Variants in C8orf34 observed in about 807,000 individuals in gnomAD.
The protein encoded by C8orf34 is uncharacterized protein C8orf34.
Under a neutral mutation model 68.3 loss-of-function variants are expected in C8orf34, and 65 were observed. The observed-to-expected ratio is 0.95, with a 90% CI of 0.78 to 1.17. The LOEUF is 1.17. Among genes scored for constraint, C8orf34 ranks in the 50% most tolerant of loss-of-function variants. The pLI is 0.00. For missense variants in C8orf34, 664 were observed against 655.4 expected (o/e 1.01, Z -0.14); for synonymous variants, 244 against 241.2 (o/e 1.01, Z -0.11).
At position 68,465,118 on chromosome 8, in the gene C8orf34, A is replaced by G. The variant is rs186030270; in HGVS notation, c.608-3574A>G. On this transcript the variant is annotated intron_variant, in intron 3 of 13. Coordinates refer to ENST00000518698, the MANE Select transcript of C8orf34 (RefSeq NM_052958.4). ...CAAATTTACAAGAAAAAAACAAACA[A>G]CTCCATCAAAAAGTGGGCAAAGGAC... Among the ~76,000 whole-genome samples, 1,477 of 152,120 alleles carry G rather than the reference A, an allele frequency of 9.7e-3. 26 individuals are homozygous for G. The highest frequency in any genetic ancestry group is 0.032 in the African/African-American group (1,346 of 41,460).
At chr8:68,813,312 A>T (rs1233903523) in intron 12 of C8orf34, among the ~76,000 whole-genome samples, 1 of 152,154 alleles carries the variant, frequency 6.6e-6, no homozygotes, top group Non-Finnish European at 1.5e-5. Context: ...AGTGATTTCC[A>T]TGCAAGAAAA....
intron 1 of C8orf34, among the ~76,000 whole-genome samples, chr8:68,356,591 C>T (rs1806756980): frequency 6.6e-6 from 1 of 152,014 alleles, no homozygotes; most frequent in African/African-American, 2.4e-5. Context: ...GATTAGTTTT[C>T]AGAGATTCAG....
At chr8:68,815,256 A>T (rs1824774819) in intron 12 of C8orf34, among the ~76,000 whole-genome samples, 1 of 152,092 alleles carries the variant, frequency 6.6e-6, no homozygotes, top group Non-Finnish European at 1.5e-5. Flanking sequence ...ATAGTCTTAT[A>T]TTCTTCTGCC....
intron 9 of C8orf34, among the ~76,000 whole-genome samples, 189 bp from the exon 10 acceptor site, chr8:68,721,172 A>C (rs1282615022): frequency 6.6e-6 from 1 of 151,972 alleles, no homozygotes; most frequent in Non-Finnish European, 1.5e-5. Context: ...TAAATTAAAA[A>C]TACTTATCAT....
At chr8:68,813,323 G>A (rs561679477) in intron 12 of C8orf34, among the ~76,000 whole-genome samples, 4 of 151,972 alleles carry the variant, frequency 2.6e-5, no homozygotes, top group African/African-American at 9.7e-5. Flanking sequence ...TGCAAGAAAA[G>A]CATTATGTCA....
intron 8 of C8orf34, among the ~76,000 whole-genome samples, chr8:68,664,422 T>C (rs1454953323): frequency 6.6e-6 from 1 of 152,172 alleles, no homozygotes; most frequent in Non-Finnish European, 1.5e-5. Context: ...CATGAGATGA[T>C]GCAAAAGCAA....
rs1586266080 is a variant in C8orf34 at position 68,499,618 on chromosome 8, G to T, written c.765+11567G>T. Among the ~76,000 whole-genome samples the T allele has an allele frequency of 2.0e-5, 3 of 152,152 alleles. No individual in the cohort carries two copies. The East Asian group carries it at 5.8e-4, about 29-fold the overall frequency. ...TTGATGCAGTCAGGTGTCAGCAAAG[G>T]ATGTTAAAATTCGTAGGTAAAATTT... On this transcript the variant is annotated intron_variant, in intron 5 of 13. Coordinates refer to ENST00000518698, the MANE Select transcript of C8orf34 (RefSeq NM_052958.4).
intron 10 of C8orf34, among the ~76,000 whole-genome samples, chr8:68,764,290 C>T (rs754855102): frequency 1.3e-5 from 2 of 152,156 alleles, no homozygotes; most frequent in Non-Finnish European, 1.5e-5. Flanking sequence ...AATTTGAAAC[C>T]GGCCTTCTAA....
At chr8:68,383,470 GTT>G (rs1808129466) in intron 1 of C8orf34, among the ~76,000 whole-genome samples, 2 of 152,106 alleles carry the variant, frequency 1.3e-5, no homozygotes, top group Admixed American at 1.3e-4. Flanking sequence ...AATATTTAAA[GTT>G]CATAGTTTTC....
At chr8:68,637,468 A>T (rs2130722985) in intron 7 of C8orf34, among the ~76,000 whole-genome samples, 1 of 152,222 alleles carries the variant, frequency 6.6e-6, no homozygotes, top group African/African-American at 2.4e-5. Context: ...AAAGTGCATG[A>T]TGTATGTGTG....
chr8:68,781,265 A>T (rs1293189191), intron 11 of C8orf34, among the ~76,000 whole-genome samples: 1 of 152,184 alleles, frequency 6.6e-6, no homozygotes, highest in Admixed American at 6.5e-5. Flanking sequence ...CTTCATGTGG[A>T]TCAACAATGC....
chr8:68,516,405 AAG>A (rs1272797348), intron 5 of C8orf34, among the ~76,000 whole-genome samples: 3 of 152,210 alleles, frequency 2.0e-5, no homozygotes, highest in African/African-American at 7.2e-5. Flanking sequence ...TTTTATTAAC[AAG>A]AGGAAATAGA....
At chr8:68,769,110 C>T (rs1823267740) in intron 10 of C8orf34, among the ~76,000 whole-genome samples, 1 of 151,824 alleles carries the variant, frequency 6.6e-6, no homozygotes, top group Non-Finnish European at 1.5e-5. Context: ...GCATGCAGTG[C>T]AATGTGTAAT....
chr8:68,668,139 T>G (rs1407707397), intron 8 of C8orf34, among the ~76,000 whole-genome samples: 2 of 152,136 alleles, frequency 1.3e-5, no homozygotes, highest in Non-Finnish European at 2.9e-5. Context: ...ATTTCTTCTA[T>G]AAGTATCAAT....
chr8:68,624,368 A>G (rs1818475165), intron 7 of C8orf34, among the ~76,000 whole-genome samples: 1 of 152,192 alleles, frequency 6.6e-6, no homozygotes, highest in Admixed American at 6.6e-5. Flanking sequence ...GAAGACAAAT[A>G]ATATTATGTT....
intron 1 of C8orf34, among the ~76,000 whole-genome samples, chr8:68,370,987 C>G (rs1221127230): frequency 6.6e-6 from 1 of 151,952 alleles, no homozygotes; most frequent in Non-Finnish European, 1.5e-5. Flanking sequence ...AAAGTGGTGG[C>G]TGGGGGTGGG....
intron 1 of C8orf34, among the ~76,000 whole-genome samples, chr8:68,378,532 C>A (rs997907597): frequency 7.2e-5 from 11 of 152,166 alleles, no homozygotes; most frequent in African/African-American, 2.7e-4. Context: ...AACTGATTCT[C>A]CTGCCTCAGC....
intron 9 of C8orf34, among the ~76,000 whole-genome samples, chr8:68,712,363 G>GC: frequency 6.6e-6 from 1 of 152,204 alleles, no homozygotes; most frequent in East Asian, 1.9e-4. Context: ...GAATGTAAAT[G>GC]TCTTAAATGC....
chr8:68,559,212 A>C (rs933834681), intron 7 of C8orf34, among the ~76,000 whole-genome samples: 1 of 152,098 alleles, frequency 6.6e-6, no homozygotes, highest in Non-Finnish European at 1.5e-5. Context: ...CAGGTGGAAG[A>C]TGATGACTAT....
Sources: gnomAD v4.1 joint callset for allele counts (sites outside exome capture counted in the v4.1 genomes callset) on GRCh38, gnomAD v4.1.1 for gene constraint, MANE v1.5 for transcripts, NCBI Gene and HGNC (gene_info 2026-07-23, HGNC 2026-07-21) for gene names.